PLD5: variants seen among roughly 807,000 people sequenced by gnomAD.
PLD5 encodes inactive phospholipase D5.
In PLD5, 36 loss-of-function variants were observed where a neutral mutation model predicts 61.1. The observed-to-expected ratio is 0.59, with a 90% CI of 0.45 to 0.78. The LOEUF (loss-of-function observed/expected upper bound fraction) is 0.78. Among genes scored for constraint, PLD5 ranks in the 30% least tolerant of loss-of-function variants. The pLI is 0.00. For missense variants in PLD5, 515 were observed against 644.4 expected (o/e 0.80, Z 2.17); for synonymous variants, 243 against 242.8 (o/e 1.00, Z -0.01).
intron 1 of PLD5, among the ~76,000 whole-genome samples, chr1:242,395,006 AAT>A (rs1491125376): frequency 1.2e-4 from 13 of 109,000 alleles, no homozygotes; most frequent in East Asian, 6.3e-4. Flanking sequence ...TGTATATATG[AAT>A]ATATATGAAT....
intron 5 of PLD5, 131 bp from the exon 6 acceptor site, chr1:242,124,796 T>C (rs1372886260): frequency 1.3e-6 from 1 of 742,124 alleles, no homozygotes; most frequent in Non-Finnish European, 2.2e-6. Context: ...GTAGATATAG[T>C]TACATTATGG....
At chr1:242,111,400 T>C (rs933059188) in intron 7 of PLD5, among the ~76,000 whole-genome samples, 1 of 152,122 alleles carries the variant, frequency 6.6e-6, no homozygotes, top group African/African-American at 2.4e-5. Context: ...TCACAGATCA[T>C]TGTTCCATTC....
At chr1:242,385,863 C>A (rs2149259964) in intron 1 of PLD5, among the ~76,000 whole-genome samples, 1 of 152,182 alleles carries the variant, frequency 6.6e-6, no homozygotes, top group East Asian at 1.9e-4. Flanking sequence ...AGTGAAATGC[C>A]ATACACTGAG....
At chr1:242,312,925 A>G (rs1676785432) in intron 2 of PLD5, among the ~76,000 whole-genome samples, 1 of 152,222 alleles carries the variant, frequency 6.6e-6, no homozygotes, top group South Asian at 2.1e-4. Flanking sequence ...TTGTTTAATC[A>G]GTCTCTTATT....
intron 9 of PLD5, among the ~76,000 whole-genome samples, chr1:242,100,250 T>C (rs1660579920): frequency 1.3e-5 from 2 of 152,204 alleles, no homozygotes; most frequent in African/African-American, 2.4e-5. Context: ...TGGCTGGGAA[T>C]TGGGAGTTTC....
At chr1:242,344,742 G>A (rs1268427023) in intron 2 of PLD5, among the ~76,000 whole-genome samples, 4 of 151,880 alleles carry the variant, frequency 2.6e-5, no homozygotes, top group South Asian at 2.1e-4. Context: ...GTCCCACACC[G>A]AATTTATTCA....
intron 5 of PLD5, among the ~76,000 whole-genome samples, chr1:242,190,094 C>A (rs1191932048): frequency 5.4e-5 from 8 of 148,940 alleles, no homozygotes; most frequent in Non-Finnish European, 1.0e-4. Context: ...TCACTAAGGT[C>A]CTTCACTCCC....
intron 1 of PLD5, among the ~76,000 whole-genome samples, chr1:242,486,326 G>A (rs1459706343): frequency 1.3e-5 from 2 of 152,070 alleles, no homozygotes; most frequent in Non-Finnish European, 2.9e-5. Context: ...TCTGACAAAG[G>A]GCTAATATCC....
At chr1:242,190,739 C>CAA (rs140287978) in intron 5 of PLD5, among the ~76,000 whole-genome samples, 7 of 147,636 alleles carry the variant, frequency 4.7e-5, no homozygotes, top group South Asian at 2.2e-4. Flanking sequence ...AACAAACAAA[C>CAA]AAAAAAAAAA....
intron 2 of PLD5, among the ~76,000 whole-genome samples, chr1:242,325,605 G>GC (rs1658722650): frequency 6.6e-6 from 1 of 151,260 alleles, no homozygotes; most frequent in South Asian, 2.1e-4. Flanking sequence ...TCAAGTTGTT[G>GC]TTTTTTTTTA....
chr1:242,346,906 A>G (rs186024891), intron 2 of PLD5, among the ~76,000 whole-genome samples: 18 of 152,274 alleles, frequency 1.2e-4, no homozygotes, highest in Admixed American at 1.2e-3. Context: ...AACATGCAGT[A>G]TTTGGTTTTC....
chr1:242,253,305 CTTTTT>C (rs1181235404), intron 4 of PLD5, among the ~76,000 whole-genome samples: 852 of 70,706 alleles, frequency 0.012, 16 homozygotes, highest in African/African-American at 0.043. Flanking sequence ...CCTCTCTTCA[CTTTTT>C]TTTTTTTTTT....
At chr1:242,379,916 C>G (rs1328460380) in intron 1 of PLD5, among the ~76,000 whole-genome samples, 1 of 151,910 alleles carries the variant, frequency 6.6e-6, no homozygotes, top group Non-Finnish European at 1.5e-5. Context: ...CAGTTCTCAA[C>G]AAAACCCACA....
intron 1 of PLD5, among the ~76,000 whole-genome samples, chr1:242,473,116 T>C (rs900192413): frequency 6.6e-6 from 1 of 152,218 alleles, no homozygotes; most frequent in Admixed American, 6.5e-5. Context: ...AGTACAATGA[T>C]GCTTAATCAG....
chr1:242,524,978 C>G (rs1456531521), upstream of PLD5, among the ~76,000 whole-genome samples: 1 of 152,080 alleles, frequency 6.6e-6, no homozygotes, highest in African/African-American at 2.4e-5. Context: ...TGGCTGAGCG[C>G]GGGGATGGCT....
chr1:242,395,261 C>G (rs551372219), intron 1 of PLD5, among the ~76,000 whole-genome samples: 1 of 152,074 alleles, frequency 6.6e-6, no homozygotes, highest in African/African-American at 2.4e-5. Context: ...TGATGTGCAA[C>G]TTGACACTTA....
intron 1 of PLD5, among the ~76,000 whole-genome samples, chr1:242,390,431 A>G (rs905935413): frequency 1.3e-5 from 2 of 152,182 alleles, no homozygotes; most frequent in Non-Finnish European, 2.9e-5. Context: ...ACTCTCACAC[A>G]GTTCTTAGAT....
chr1:242,428,275 T>A (rs1006673751), intron 1 of PLD5, among the ~76,000 whole-genome samples: 2 of 152,222 alleles, frequency 1.3e-5, no homozygotes, highest in Non-Finnish European at 2.9e-5. Flanking sequence ...CAAAATCACT[T>A]CCTATTTTGC....
At chr1:242,363,271 T>A (rs555461992) in intron 1 of PLD5, among the ~76,000 whole-genome samples, 1 of 151,652 alleles carries the variant, frequency 6.6e-6, no homozygotes, top group East Asian at 1.9e-4. Context: ...AATAGAGTAA[T>A]TAGAAAGGTA....
Sources: gnomAD v4.1 joint callset for allele counts (sites outside exome capture counted in the v4.1 genomes callset) on GRCh38, gnomAD v4.1.1 for gene constraint, MANE v1.5 for transcripts, NCBI Gene and HGNC (gene_info 2026-07-23, HGNC 2026-07-21) for gene names.